Variants in ANKS1B observed in about 807,000 individuals in gnomAD.
ANKS1B encodes the protein ankyrin repeat and sterile alpha motif domain containing 1B.
Under a neutral mutation model 148.3 loss-of-function variants are expected in ANKS1B, and 36 were observed. The ratio of observed to expected loss-of-function variants is 0.24; its 90% CI spans 0.19 to 0.32. The LOEUF (loss-of-function observed/expected upper bound fraction) is 0.32, where lower values mean the gene tolerates loss of function less well. ANKS1B is among the 10% of genes least tolerant of loss of function. The pLI, the probability that ANKS1B is intolerant of heterozygous loss-of-function variation, is 1.00. For missense variants in ANKS1B, 1,157 were observed against 1,542.6 expected (o/e 0.75, Z 4.19); for synonymous variants, 542 against 560.8 (o/e 0.97, Z 0.47).
intron 9 of ANKS1B, among the ~76,000 whole-genome samples, chr12:99,515,422 T>C (rs1464312861): frequency 6.6e-6 from 1 of 152,118 alleles, no homozygotes; most frequent in East Asian, 1.9e-4. Context: ...AGTGAGAACA[T>C]GTGATATTTG....
At chr12:99,799,722 A>C (rs2066710716) in intron 4 of ANKS1B, among the ~76,000 whole-genome samples, 1 of 152,088 alleles carries the variant, frequency 6.6e-6, no homozygotes, top group Non-Finnish European at 1.5e-5. Flanking sequence ...CACCTGAGGA[A>C]AGAAGGGGGA....
chr12:99,163,501 GTGTT>G (rs144614126), intron 14 of ANKS1B, among the ~76,000 whole-genome samples: 2,543 of 134,734 alleles, frequency 0.019, 59 homozygotes, highest in African/African-American at 0.063. Context: ...GTGTGTGTGT[GTGTT>G]TAGTTCTGTA....
At chr12:99,024,323 T>A (rs1204925083) in intron 17 of ANKS1B, among the ~76,000 whole-genome samples, 2 of 152,220 alleles carry the variant, frequency 1.3e-5, no homozygotes, top group Non-Finnish European at 2.9e-5. Flanking sequence ...TTGCTGTATA[T>A]TTATCTAGTT....
intron 19 of ANKS1B, among the ~76,000 whole-genome samples, chr12:98,823,234 C>T (rs1197155212): frequency 6.6e-6 from 1 of 152,192 alleles, no homozygotes; most frequent in Admixed American, 6.5e-5. Flanking sequence ...AAATCGGAAG[C>T]TCCTGACGGA....
At position 99,778,872 on chromosome 12, in the gene ANKS1B, G is replaced by C. The variant is rs573973499; in HGVS notation, c.847+999C>G. ...TATCTACATGTTCCCTGCCTGACTT[G>C]GTTTTAATTCATTTATCTCCCTGCA... On this transcript the variant is annotated intron_variant, in intron 6 of 26. Transcript: ENST00000683438. 6.6e-5 allele frequency among the ~76,000 whole-genome samples: 10 copies of C among 152,102 alleles called. No individual in the cohort carries two copies. The South Asian group carries it at 2.1e-3, about 32-fold the overall frequency.
intron 15 of ANKS1B, among the ~76,000 whole-genome samples, chr12:99,153,027 T>C (rs911332485): frequency 1.3e-5 from 2 of 152,054 alleles, no homozygotes; most frequent in Non-Finnish European, 1.5e-5. Flanking sequence ...GCTGCATATA[T>C]CAGTATAAAA....
intron 4 of ANKS1B, among the ~76,000 whole-genome samples, chr12:99,789,481 G>GA (rs1045968562): frequency 2.6e-4 from 39 of 151,710 alleles, no homozygotes; most frequent in African/African-American, 9.4e-4. Flanking sequence ...ACAAGTCCTG[G>GA]AAAAAAAATA....
At chr12:99,775,413 G>T in intron 7 of ANKS1B, 135 bp downstream of exon 7, 1 of 496,322 alleles carries the variant, frequency 2.0e-6, no homozygotes, top group Non-Finnish European at 3.6e-6. Context: ...GGGCTGAGAA[G>T]CCCTAATCAG....
chr12:99,583,083 A>C (rs901657811), intron 9 of ANKS1B, among the ~76,000 whole-genome samples: 4 of 152,194 alleles, frequency 2.6e-5, no homozygotes, highest in African/African-American at 9.6e-5. Context: ...AAGTGCTTTA[A>C]GATCTAAAGA....
chr12:99,970,702 T>C (rs2153836855), intron 1 of ANKS1B, among the ~76,000 whole-genome samples: 1 of 152,310 alleles, frequency 6.6e-6, no homozygotes, highest in East Asian at 1.9e-4. Flanking sequence ...TTATTGAATA[T>C]ACTGTTCCTT....
intron 14 of ANKS1B, among the ~76,000 whole-genome samples, chr12:99,189,536 A>G (rs886216034): frequency 6.6e-6 from 1 of 152,230 alleles, no homozygotes; most frequent in African/African-American, 2.4e-5. Flanking sequence ...AGGTTGGTTC[A>G]ATATATATAC....
intron 15 of ANKS1B, among the ~76,000 whole-genome samples, chr12:99,132,812 TCA>T (rs2066560139): frequency 6.6e-6 from 1 of 152,160 alleles, no homozygotes; most frequent in African/African-American, 2.4e-5. Flanking sequence ...GTTGTGAGGA[TCA>T]AGTTTAAATA....
intron 14 of ANKS1B, among the ~76,000 whole-genome samples, chr12:99,216,944 T>C (rs1221383327): frequency 6.6e-6 from 1 of 152,162 alleles, no homozygotes; most frequent in Non-Finnish European, 1.5e-5. Flanking sequence ...GCAGTCCTCA[T>C]CCCCTGTCTA....
chr12:98,814,800 C>T (rs1026269748), intron 19 of ANKS1B, among the ~76,000 whole-genome samples: 1 of 152,194 alleles, frequency 6.6e-6, no homozygotes, highest in Non-Finnish European at 1.5e-5. Context: ...GGTAGACTTA[C>T]AACTGAGATA....
chr12:99,441,505 T>A (rs1219841472), intron 11 of ANKS1B, among the ~76,000 whole-genome samples: 1 of 151,934 alleles, frequency 6.6e-6, no homozygotes, highest in Non-Finnish European at 1.5e-5. Flanking sequence ...CATGCACCAA[T>A]GTCTCCAGGG....
At chr12:98,842,049 C>A (rs1019813330) in intron 17 of ANKS1B, among the ~76,000 whole-genome samples, 2 of 152,102 alleles carry the variant, frequency 1.3e-5, no homozygotes, top group Non-Finnish European at 2.9e-5. Context: ...TAACATATAA[C>A]CCAGCAAGTT....
intron 10 of ANKS1B, among the ~76,000 whole-genome samples, chr12:99,457,897 C>G (rs762491840): frequency 6.6e-6 from 1 of 151,922 alleles, no homozygotes; most frequent in African/African-American, 2.4e-5. Context: ...GAACTATACC[C>G]TAGAACAAAT....
At chr12:99,003,073 C>G (rs1346504012) in intron 17 of ANKS1B, among the ~76,000 whole-genome samples, 1 of 152,166 alleles carries the variant, frequency 6.6e-6, no homozygotes, top group Admixed American at 6.5e-5. Context: ...TTTCTCAACA[C>G]TATTTGTTAA....
At chr12:99,098,373 A>C (rs1473464813) in intron 15 of ANKS1B, among the ~76,000 whole-genome samples, 1 of 152,092 alleles carries the variant, frequency 6.6e-6, no homozygotes. Context: ...CCTTTCCTAC[A>C]ATTTCTACCC....
Sources: gnomAD v4.1 joint callset for allele counts (sites outside exome capture counted in the v4.1 genomes callset) on GRCh38, gnomAD v4.1.1 for gene constraint, MANE v1.5 for transcripts, NCBI Gene and HGNC (gene_info 2026-07-23, HGNC 2026-07-21) for gene names.